FUBP3: variants seen among roughly 807,000 people sequenced by gnomAD.
FUBP3 encodes the protein far upstream element-binding protein 3.
A neutral mutation model predicts 85.6 loss-of-function variants in FUBP3; 28 were observed. That is an observed-to-expected ratio of 0.33 (90% CI 0.24 to 0.45). The LOEUF (loss-of-function observed/expected upper bound fraction) is 0.45, where lower values mean the gene tolerates loss of function less well. Ranked by LOEUF, FUBP3 falls within the 20% of genes least tolerant of loss-of-function variation. The pLI is 1.00. For missense variants in FUBP3, 583 were observed against 755.1 expected, an observed-to-expected ratio of 0.77 and a Z score of 2.67; for synonymous variants, 271 against 271.4, an observed-to-expected ratio of 1.00 and a Z score of 0.01.
chr9:130,622,337 A>AG (rs1176125485), intron 9 of FUBP3, among the ~76,000 whole-genome samples: 2 of 149,824 alleles, frequency 1.3e-5, no homozygotes, highest in East Asian at 4.0e-4. Flanking sequence ...AAAAAAAAAA[A>AG]AAAAAGTGTC....
At chr9:130,605,521 C>CA (rs1191730100) in intron 2 of FUBP3, among the ~76,000 whole-genome samples, 1 of 152,258 alleles carries the variant, frequency 6.6e-6, no homozygotes, top group African/African-American at 2.4e-5. Flanking sequence ...AGTGTGATCG[C>CA]ACCTTCCTCT....
Position 130,607,304 on chromosome 9 carries a change from A to G in FUBP3, c.191-2650A>G, listed in dbSNP as rs550892182. ...CTTTTTTTTTTTTTTTAAGATTATT[A>G]TTAAAATTGGCAGAGTATTACTCTT... On this transcript the variant is annotated intron_variant, in intron 2 of 18. Transcript: ENST00000319725. 1.8e-4 allele frequency among the ~76,000 whole-genome samples: 26 copies of G among 147,542 alleles called. No individual in the cohort carries two copies. In the East Asian group the frequency reaches 5.1e-3, roughly 29 times the overall value.
chr9:130,636,607 G>A (rs1830430437), intron 18 of FUBP3, among the ~76,000 whole-genome samples: 1 of 152,244 alleles, frequency 6.6e-6, no homozygotes, highest in East Asian at 1.9e-4. Context: ...AACCTAGAGG[G>A]TTCTGTTCAG....
Position 130,616,475 on chromosome 9 carries a change from T to C in FUBP3, c.525T>C (p.Gly175=), listed in dbSNP as rs192165242. Reference sequence around the variant, plus strand: ...TTCTCATTCCCGCATCTAAAGTGGGTCTGGTCATCGGCAGAGGAGGGGAAA... The same window carrying C: ...TTCTCATTCCCGCATCTAAAGTGGGCCTGGTCATCGGCAGAGGAGGGGAAA... The part of the protein sequence containing the change: ...QEILIPASKV[G]LVIGRGGETI... The change falls in exon 7 of 19, where the codon GGT becomes GGC. Residue 175 remains glycine, a synonymous_variant. Transcript: ENST00000319725. This position sits in a 1 kb window ranked among gnomAD's most constrained non-coding sequence, Gnocchi z 4.7. 1 of 1,613,876 alleles carries C rather than the reference T, an allele frequency of 6.2e-7. No homozygotes were observed. Among genetic ancestry groups the C allele is most frequent in the East Asian group, 2.2e-5 (1 of 44,866 alleles).
Position 130,618,249 on chromosome 9 carries a change from T to C in FUBP3, c.666+354T>C, listed in dbSNP as rs140848758. ...TTGCTGGTGGCACGGCTCAGGACAG[T>C]TGGTTTTTTGTTTTGTTTCCCCCAC... On this transcript the variant is annotated intron_variant, in intron 8 of 18. Transcript: ENST00000319725. 4.4e-4 allele frequency among the ~76,000 whole-genome samples: 67 copies of C among 152,218 alleles called. No homozygotes were observed. In the East Asian group the frequency reaches 0.011, roughly 26 times the overall value.
At chr9:130,617,303 C>T (rs1832057846) in intron 7 of FUBP3, among the ~76,000 whole-genome samples, 1 of 152,214 alleles carries the variant, frequency 6.6e-6, no homozygotes. Flanking sequence ...TGCGTGCCAT[C>T]TCATAACCTG....
chr9:130,636,198 C>T, intron 18 of FUBP3, 72 bp downstream of exon 18: 1 of 1,486,700 alleles, frequency 6.7e-7, no homozygotes, highest in African/African-American at 1.4e-5. Context: ...TTCTGTGTTT[C>T]CTGACCCCAG....
chr9:130,591,831 G>A (rs1200382262), intron 1 of FUBP3, among the ~76,000 whole-genome samples: 2 of 152,170 alleles, frequency 1.3e-5, no homozygotes, highest in South Asian at 2.1e-4. Flanking sequence ...GGAAGCTGTC[G>A]AAACAACTTT....
intron 11 of FUBP3, among the ~76,000 whole-genome samples, chr9:130,625,692 G>A (rs1300202208): frequency 6.6e-6 from 1 of 152,180 alleles, no homozygotes; most frequent in Non-Finnish European, 1.5e-5. Context: ...TCTCTGCTGG[G>A]TGAACAGTGG....
chr9:130,630,725 C>G lies in FUBP3; in HGVS notation c.1215C>G (p.Phe405Leu), dbSNP rs1302888108. The change falls in exon 13 of 19, where the codon TTC (phenylalanine) becomes TTG (leucine). Residue 405 changes from phenylalanine to leucine, a missense_variant. This residue lies in a region of FUBP3 where 404 missense variants were observed against 516.8 expected (regional missense o/e 0.78). Coordinates refer to ENST00000319725, the MANE Select transcript of FUBP3 (RefSeq NM_003934.2). ...ACAGCGACCCCAACCTGCGGAGATT[C>G]ACCATCAGGGGGGTTCCCCAGCAGA... ...PPNSDPNLRRFTIRGVPQQIE... is the reference protein window; with the variant it reads ...PPNSDPNLRRLTIRGVPQQIE... 2 of 1,582,904 alleles carry G rather than the reference C, an allele frequency of 1.3e-6. No individual in the cohort carries two copies. Among genetic ancestry groups the G allele is most frequent in the Non-Finnish European group, 8.6e-7 (1 of 1,166,560 alleles).
intron 1 of FUBP3, among the ~76,000 whole-genome samples, chr9:130,593,173 C>A (rs1830710323): frequency 1.3e-5 from 2 of 152,212 alleles, no homozygotes; most frequent in Admixed American, 1.3e-4. Context: ...TGCCCATTCA[C>A]CCCATTTAAA....
intron 6 of FUBP3, among the ~76,000 whole-genome samples, chr9:130,615,366 T>C (rs890917810): frequency 3.3e-5 from 5 of 152,230 alleles, no homozygotes; most frequent in Non-Finnish European, 7.4e-5. Flanking sequence ...CCTACTCTTC[T>C]AACCATTCCT....
chr9:130,626,308 G>A (rs1224044614), intron 11 of FUBP3, 56 bp from the exon 12 acceptor site: 1 of 1,558,278 alleles, frequency 6.4e-7, no homozygotes. Context: ...GGAAAAGAGA[G>A]GAGCAGTGGT....
chr9:130,610,052 G>A, intron 3 of FUBP3, 65 bp downstream of exon 3: 1 of 1,212,652 alleles, frequency 8.2e-7, no homozygotes, highest in Non-Finnish European at 1.2e-6. Flanking sequence ...TCCACCATCT[G>A]TACTAGAGTG....
chr9:130,607,033 C>T (rs1428424596), intron 2 of FUBP3, among the ~76,000 whole-genome samples: 6 of 152,202 alleles, frequency 3.9e-5, no homozygotes, highest in Middle Eastern at 6.8e-3. Flanking sequence ...TGCAATGACA[C>T]GATCCCAGCT....
chr9:130,622,652 T>C, intron 9 of FUBP3, 56 bp from the exon 10 acceptor site: 4 of 852,322 alleles, frequency 4.7e-6, no homozygotes, highest in Non-Finnish European at 7.4e-6. Flanking sequence ...AAAAGTGCCC[T>C]TTAAAAAGAC....
chr9:130,614,176 C>T, intron 5 of FUBP3, 112 bp from the exon 6 acceptor site: 1 of 619,608 alleles, frequency 1.6e-6, no homozygotes. Flanking sequence ...TTCTGGGAGC[C>T]TGGGCCTCTG....
intron 1 of FUBP3, among the ~76,000 whole-genome samples, chr9:130,589,799 C>G (rs1830537564): frequency 7.0e-6 from 1 of 143,128 alleles, no homozygotes. Flanking sequence ...TAACTTTGAA[C>G]TCCTGGGCTC....
Position 130,620,546 on chromosome 9 carries a change from G to C in FUBP3, c.771+88G>C, listed in dbSNP as rs1829704607. The stretch of plus-strand genomic sequence containing the variant: ...TTGTTAGCTCTTTAACCCTGAGCAA[G>C]TTAGTTAAGTTTTGTCTCAAAACCT... On this transcript the variant is annotated intron_variant, in intron 9 of 18. Transcript: ENST00000319725. 4.9e-6 allele frequency: 3 copies of C among 610,986 alleles called. No individual in the cohort carries two copies. The African/African-American group carries it at 5.7e-5, about 12-fold the overall frequency. 37.8% of individuals were successfully genotyped at this position (610,986 alleles called of 1,614,324 possible).
Sources: gnomAD v4.1 joint callset for allele counts (sites outside exome capture counted in the v4.1 genomes callset) on GRCh38, gnomAD v4.1.1 for gene constraint, gnomAD v4.1.1 regional missense constraint, Gnocchi (gnomAD v3.1) non-coding constraint, MANE v1.5 for transcripts, NCBI Gene and HGNC (gene_info 2026-07-23, HGNC 2026-07-21) for gene names.